Variants in NBAS observed in about 807,000 individuals in gnomAD.
NBAS encodes NBAS subunit of NRZ tethering complex, also known as NAG/BC035112 fusion.
NBAS carries 219 observed loss-of-function variants against 302.5 expected under a neutral mutation model. The ratio of observed to expected loss-of-function variants is 0.72; its 90% CI spans 0.65 to 0.81. The LOEUF (loss-of-function observed/expected upper bound fraction) is 0.81, where lower values mean the gene tolerates loss of function less well. Ranked by LOEUF, NBAS falls within the 30% of genes least tolerant of loss-of-function variation. The pLI, the probability that NBAS is intolerant of heterozygous loss-of-function variation, is 0.00. For synonymous variants in NBAS, 1,118 were observed against 1,021.6 expected (o/e 1.09, Z -1.80); for missense variants, 2,932 against 2,841.6 (o/e 1.03, Z -0.72).
intron 51 of NBAS, among the ~76,000 whole-genome samples, chr2:15,178,469 A>G (rs1291960564): frequency 6.6e-6 from 1 of 152,238 alleles, no homozygotes; most frequent in Non-Finnish European, 1.5e-5. Flanking sequence ...AGAAATCTCA[A>G]GTTGACTCCA....
chr2:15,366,764 G>A, intron 31 of NBAS, 71 bp from the exon 32 acceptor site: 1 of 1,368,298 alleles, frequency 7.3e-7, no homozygotes, highest in Admixed American at 1.7e-5. Context: ...CCTTCCTAAT[G>A]CAAGGCATCC....
At chr2:14,926,071 T>A in the NBAS span, among the ~76,000 whole-genome samples, 1 of 152,196 alleles carries the variant, frequency 6.6e-6, no homozygotes, top group African/African-American at 2.4e-5. Context: ...GCAGTGAGTC[T>A]GAAACTTCCC....
At chr2:15,538,434 A>G (rs911043030) in intron 7 of NBAS, 5 of 360,980 alleles carry the variant, frequency 1.4e-5, no homozygotes, top group African/African-American at 8.5e-5. Flanking sequence ...CACTAGAATC[A>G]GCTAAAAGCT....
chr2:15,099,589 GAC>G, the NBAS span, among the ~76,000 whole-genome samples: 1 of 151,682 alleles, frequency 6.6e-6, no homozygotes, highest in African/African-American at 2.4e-5. Context: ...AAAAAAATAA[GAC>G]AGAATTTACA....
At chr2:15,534,782 C>T (rs932859145) in intron 8 of NBAS, 141 bp from the exon 9 acceptor site, 5 of 698,306 alleles carry the variant, frequency 7.2e-6, no homozygotes, top group South Asian at 1.6e-5. Flanking sequence ...AACTCGAATA[C>T]GTCACAATGA....
At chr2:15,393,446 A>G (rs1332216150) in intron 28 of NBAS, among the ~76,000 whole-genome samples, 1 of 152,116 alleles carries the variant, frequency 6.6e-6, no homozygotes, top group Non-Finnish European at 1.5e-5. Context: ...ATGAGGATAT[A>G]GAAGAGCAAT....
intron 12 of NBAS, 150 bp downstream of exon 12, chr2:15,488,744 C>T: frequency 1.0e-6 from 1 of 989,784 alleles, no homozygotes; most frequent in Non-Finnish European, 1.5e-6. Flanking sequence ...ATTTATCCCA[C>T]TGTACTGATA....
chr2:15,064,015 A>G, the NBAS span, among the ~76,000 whole-genome samples: 535 of 152,306 alleles, frequency 3.5e-3, 5 homozygotes, highest in Non-Finnish European at 5.5e-3. Flanking sequence ...AGAGGGCAGT[A>G]GAATGTTCTG....
intron 48 of NBAS, among the ~76,000 whole-genome samples, chr2:15,196,448 G>A (rs1178817628): frequency 1.3e-5 from 2 of 152,110 alleles, no homozygotes; most frequent in East Asian, 1.9e-4. Context: ...ACCAGAAATT[G>A]CTCTGTATTA....
Position 15,335,570 on chromosome 2 carries a change from C to T in NBAS, c.4180-4805G>A, listed in dbSNP as rs539807188. Among the ~76,000 whole-genome samples the T allele has an allele frequency of 3.9e-5, 6 of 152,256 alleles. No individual in the cohort carries two copies. In the South Asian group the frequency reaches 1.0e-3, roughly 26 times the overall value. ...CTCTTTGTGGTTTTAACGTGCACCTCGCCAGGACTAATGAAGTTGGACACC... is the reference window on the plus strand; with the variant it reads ...CTCTTTGTGGTTTTAACGTGCACCTTGCCAGGACTAATGAAGTTGGACACC... On this transcript the variant is annotated intron_variant, in intron 35 of 51. Transcript: ENST00000281513.
chr2:14,994,882 T>C, the NBAS span, among the ~76,000 whole-genome samples: 62 of 152,298 alleles, frequency 4.1e-4, 2 homozygotes, highest in South Asian at 0.011. Flanking sequence ...AGCTGCTTTA[T>C]CACTGCTCAT....
At chr2:14,896,005 G>GAAAAA in the NBAS span, among the ~76,000 whole-genome samples, 1 of 150,118 alleles carries the variant, frequency 6.7e-6, no homozygotes, top group Non-Finnish European at 1.5e-5. Flanking sequence ...CTATAAAGGG[G>GAAAAA]AAAAAAAAAC....
At chr2:15,483,660 G>C (rs1442812619) in intron 12 of NBAS, among the ~76,000 whole-genome samples, 1 of 152,094 alleles carries the variant, frequency 6.6e-6, no homozygotes, top group Non-Finnish European at 1.5e-5. Flanking sequence ...CTCAAAACTG[G>C]ATATTAGTAA....
the NBAS span, among the ~76,000 whole-genome samples, chr2:14,794,903 A>G: frequency 6.6e-6 from 1 of 152,164 alleles, no homozygotes; most frequent in Admixed American, 6.5e-5. Flanking sequence ...CATAATTGAG[A>G]TACACCTATG....
At chr2:15,462,369 G>A (rs1679544068) in intron 19 of NBAS, among the ~76,000 whole-genome samples, 1 of 152,098 alleles carries the variant, frequency 6.6e-6, no homozygotes, top group African/African-American at 2.4e-5. Context: ...GTTCTGGGAG[G>A]ACAGAGAAGT....
chr2:14,986,774 G>A, the NBAS span, among the ~76,000 whole-genome samples: 8 of 151,970 alleles, frequency 5.3e-5, no homozygotes, highest in East Asian at 1.4e-3. Context: ...TTTAATACTT[G>A]GAAAATCAAA....
chr2:14,796,812 GC>G, the NBAS span, among the ~76,000 whole-genome samples: 1 of 150,722 alleles, frequency 6.6e-6, no homozygotes, highest in Non-Finnish European at 1.5e-5. Flanking sequence ...CTTTTCCATG[GC>G]TACCTACAGC....
rs142963071 is a variant in NBAS, at chr2:15,477,321, C to T, written c.1147+905G>A. Among the ~76,000 whole-genome samples the T allele has an allele frequency of 1.9e-3, 296 of 151,970 alleles. 2 individuals are homozygous for T. The highest frequency in any genetic ancestry group is 6.6e-3 in the African/African-American group (274 of 41,448). On this transcript the variant is annotated intron_variant, in intron 13 of 51. Coordinates refer to ENST00000281513, the MANE Select transcript of NBAS (RefSeq NM_015909.4). ...CTGTCGCCCAGGCTGGAGTGCAGTCCCGCGATCTCGGCTCACTGCAACCTC... is the reference window on the plus strand; with the variant it reads ...CTGTCGCCCAGGCTGGAGTGCAGTCTCGCGATCTCGGCTCACTGCAACCTC...
the NBAS span, among the ~76,000 whole-genome samples, chr2:15,152,503 G>A: frequency 1.3e-5 from 2 of 152,212 alleles, no homozygotes; most frequent in African/African-American, 2.4e-5. Flanking sequence ...TCAGCCAATT[G>A]CAGCAGCCGA....
Sources: allele counts gnomAD v4.1 joint callset (sites outside exome capture counted in the v4.1 genomes callset), GRCh38; gene constraint gnomAD v4.1.1; transcripts MANE v1.5; gene names NCBI Gene and HGNC (gene_info 2026-07-23, HGNC 2026-07-21).